SUPT3H: variants seen among roughly 807,000 people sequenced by gnomAD.
The protein encoded by SUPT3H is transcription initiation protein SPT3 homolog.
Under a neutral mutation model 44.3 loss-of-function variants are expected in SUPT3H, and 44 were observed. That is an observed-to-expected ratio of 0.99 (90% CI 0.78 to 1.28). The LOEUF is 1.28. SUPT3H is among the 50% of genes most tolerant of loss of function. SUPT3H has a pLI of 0.00. For synonymous variants in SUPT3H, 124 were observed against 125.6 expected, an observed-to-expected ratio of 0.99 and a Z score of 0.09; for missense variants, 380 against 387.1, an observed-to-expected ratio of 0.98 and a Z score of 0.15.
At chr6:44,882,623 G>C (rs1486783911) in intron 10 of SUPT3H, among the ~76,000 whole-genome samples, 1 of 152,132 alleles carries the variant, frequency 6.6e-6, no homozygotes, top group African/African-American at 2.4e-5. Context: ...GAACATCAAT[G>C]CAAAAATCCT....
chr6:45,077,400 G>T (rs1165575690), intron 3 of SUPT3H, among the ~76,000 whole-genome samples: 1 of 152,054 alleles, frequency 6.6e-6, no homozygotes, highest in Non-Finnish European at 1.5e-5. Flanking sequence ...GTTGAAGTGG[G>T]AGGATCGCTT....
intron 10 of SUPT3H, among the ~76,000 whole-genome samples, chr6:44,905,252 A>G (rs572420597): frequency 6.6e-6 from 1 of 152,326 alleles, no homozygotes; most frequent in African/African-American, 2.4e-5. Context: ...AATGGAAGAA[A>G]ATTTTTGCAA....
rs551988380 is a variant in SUPT3H, at chr6:44,953,154, C to G, written c.801+156G>C. 4.6e-5 allele frequency among the ~76,000 whole-genome samples: 7 copies of G among 152,292 alleles called. No homozygotes were observed. The East Asian group carries it at 1.4e-3, about 29-fold the overall frequency. On this transcript the variant is annotated intron_variant, in intron 9 of 10. Transcript: ENST00000371459. Reference sequence around the variant, plus strand: ...GTCAGGGCCTGGCACACAGTAGGTGCTCAATTAAATACTTATTTGAATGTC... The same window carrying G: ...GTCAGGGCCTGGCACACAGTAGGTGGTCAATTAAATACTTATTTGAATGTC...
At chr6:45,102,784 T>A (rs979784616) in intron 3 of SUPT3H, among the ~76,000 whole-genome samples, 1 of 151,698 alleles carries the variant, frequency 6.6e-6, no homozygotes, top group Non-Finnish European at 1.5e-5. Context: ...CTCCTAAAAA[T>A]ACAAAAAATT....
chr6:45,255,858 C>T (rs1332904965), intron 2 of SUPT3H, among the ~76,000 whole-genome samples: 1 of 152,140 alleles, frequency 6.6e-6, no homozygotes, highest in Non-Finnish European at 1.5e-5. Flanking sequence ...AATTTGAGGA[C>T]ATTTTTATCA....
At chr6:45,203,880 T>G (rs1234577452) in intron 2 of SUPT3H, among the ~76,000 whole-genome samples, 1 of 152,168 alleles carries the variant, frequency 6.6e-6, no homozygotes, top group Non-Finnish European at 1.5e-5. Context: ...TAAGTCTACT[T>G]AAACTCTGAA....
chr6:45,373,327 C>T (rs1371169853), intron 1 of SUPT3H, among the ~76,000 whole-genome samples: 8 of 151,976 alleles, frequency 5.3e-5, no homozygotes, highest in Non-Finnish European at 1.2e-4. Flanking sequence ...AACTACAGTA[C>T]AAAAAAGCCT....
At chr6:44,929,244 A>G (rs1014275317) in intron 10 of SUPT3H, among the ~76,000 whole-genome samples, 44 of 152,138 alleles carry the variant, frequency 2.9e-4, no homozygotes, top group Non-Finnish European at 1.5e-5. Flanking sequence ...TGATCATGTC[A>G]TTTGGTATAA....
At chr6:45,228,021 T>C (rs912178093) in intron 2 of SUPT3H, among the ~76,000 whole-genome samples, 1 of 152,130 alleles carries the variant, frequency 6.6e-6, no homozygotes, top group Non-Finnish European at 1.5e-5. Flanking sequence ...GTTGCCAATA[T>C]GAAAACATAC....
intron 3 of SUPT3H, among the ~76,000 whole-genome samples, chr6:45,090,584 A>C (rs1386041160): frequency 6.6e-6 from 1 of 152,002 alleles, no homozygotes; most frequent in Non-Finnish European, 1.5e-5. Context: ...AAGAGTATTA[A>C]TACTTTTGCT....
At chr6:44,969,890 T>C (rs1777323738) in intron 6 of SUPT3H, among the ~76,000 whole-genome samples, 2 of 152,148 alleles carry the variant, frequency 1.3e-5, no homozygotes, top group African/African-American at 4.8e-5. Context: ...AGTAATTATA[T>C]GAAGTTTCCT....
intron 10 of SUPT3H, among the ~76,000 whole-genome samples, chr6:44,864,999 A>T (rs1775282871): frequency 6.6e-6 from 1 of 152,178 alleles, no homozygotes; most frequent in Admixed American, 6.5e-5. Context: ...TTAACACACC[A>T]AGTCACTTCT....
At chr6:45,094,786 A>G (rs1220073929) in intron 3 of SUPT3H, among the ~76,000 whole-genome samples, 2 of 152,130 alleles carry the variant, frequency 1.3e-5, no homozygotes, top group Non-Finnish European at 2.9e-5. Flanking sequence ...TCAATTACAA[A>G]CAAGTGGTGC....
intron 10 of SUPT3H, among the ~76,000 whole-genome samples, chr6:44,929,593 A>G (rs553596084): frequency 2.0e-5 from 3 of 152,206 alleles, no homozygotes; most frequent in Non-Finnish European, 4.4e-5. Flanking sequence ...GTGTCAATCT[A>G]TGATTACTAT....
intron 10 of SUPT3H, among the ~76,000 whole-genome samples, chr6:44,831,589 A>G (rs113372545): frequency 0.027 from 4,095 of 152,236 alleles, 107 homozygotes; most frequent in South Asian, 0.12. Flanking sequence ...AAATTTTATA[A>G]CCACAGTGAC....
intron 6 of SUPT3H, among the ~76,000 whole-genome samples, chr6:44,991,378 A>G (rs1053981152): frequency 6.6e-6 from 1 of 152,132 alleles, no homozygotes. Flanking sequence ...AAAATGGAGA[A>G]TCATGAAAAG....
chr6:45,068,929 A>C (rs907876932), intron 3 of SUPT3H, among the ~76,000 whole-genome samples: 9 of 151,884 alleles, frequency 5.9e-5, no homozygotes, highest in Non-Finnish European at 1.3e-4. Flanking sequence ...AAACCCCCTT[A>C]AACATTCTAT....
intron 2 of SUPT3H, among the ~76,000 whole-genome samples, chr6:45,150,442 A>G (rs1806741590): frequency 6.6e-6 from 1 of 152,170 alleles, no homozygotes; most frequent in Non-Finnish European, 1.5e-5. Context: ...ATAAATACTT[A>G]AAGAGTCTAC....
At chr6:45,367,458 TAAA>T (rs929113976) in intron 1 of SUPT3H, among the ~76,000 whole-genome samples, 7 of 146,244 alleles carry the variant, frequency 4.8e-5, no homozygotes, top group African/African-American at 1.8e-4. Flanking sequence ...AGACTCGGAT[TAAA>T]AAAAAAAATC....
Sources: allele counts gnomAD v4.1 joint callset (sites outside exome capture counted in the v4.1 genomes callset), GRCh38; gene constraint gnomAD v4.1.1; transcripts MANE v1.5; gene names NCBI Gene and HGNC (gene_info 2026-07-23, HGNC 2026-07-21).